CSMD1: variants seen among roughly 807,000 people sequenced by gnomAD.
The protein encoded by CSMD1 is CUB and sushi domain-containing protein 1.
CSMD1 carries 213 observed loss-of-function variants against 417.5 expected under a neutral mutation model. The observed-to-expected ratio is 0.51, with a 90% CI of 0.46 to 0.57. The LOEUF (loss-of-function observed/expected upper bound fraction) is 0.57. CSMD1 is among the 20% of genes least tolerant of loss of function. The pLI, the probability that CSMD1 is intolerant of heterozygous loss-of-function variation, is 0.00. For missense variants in CSMD1, 6,923 were observed against 4,529.7 expected, an observed-to-expected ratio of 1.53 and a Z score of -15.17; for synonymous variants, 2,862 against 1,736.8, an observed-to-expected ratio of 1.65 and a Z score of -16.11.
At chr8:3,257,595 C>T (rs1042637484) in intron 26 of CSMD1, among the ~76,000 whole-genome samples, 2 of 152,082 alleles carry the variant, frequency 1.3e-5, no homozygotes, top group Non-Finnish European at 2.9e-5. Flanking sequence ...TGGAAGTTCC[C>T]CTGAGATGAT....
intron 1 of CSMD1, among the ~76,000 whole-genome samples, chr8:4,819,739 G>A (rs1390953548): frequency 6.6e-6 from 1 of 152,068 alleles, no homozygotes; most frequent in East Asian, 1.9e-4. Flanking sequence ...AACGGAAAAT[G>A]CTCATGTAGA....
chr8:3,402,947 C>A (rs1052117382), intron 15 of CSMD1, among the ~76,000 whole-genome samples: 1 of 152,102 alleles, frequency 6.6e-6, no homozygotes, highest in East Asian at 1.9e-4. Context: ...TGCTGTCTCA[C>A]ATTGTTTCTC....
At chr8:4,748,482 C>T (rs530959689) in intron 1 of CSMD1, among the ~76,000 whole-genome samples, 4 of 152,180 alleles carry the variant, frequency 2.6e-5, no homozygotes, top group Non-Finnish European at 5.9e-5. Context: ...GTGTGGCTGG[C>T]TGTGCGTCAG....
intron 56 of CSMD1, among the ~76,000 whole-genome samples, chr8:2,974,229 C>G (rs998463011): frequency 5.3e-5 from 8 of 152,164 alleles, no homozygotes; most frequent in Admixed American, 2.6e-4. Flanking sequence ...TCCTGAGAAC[C>G]CCGGAGGAGA....
chr8:4,379,810 A>G (rs1331302715), intron 3 of CSMD1, among the ~76,000 whole-genome samples: 1 of 152,194 alleles, frequency 6.6e-6, no homozygotes, highest in African/African-American at 2.4e-5. Flanking sequence ...TGACAATTCT[A>G]TGAGGTAAGT....
chr8:4,626,740 A>G (rs1802142256), intron 2 of CSMD1, among the ~76,000 whole-genome samples: 2 of 152,096 alleles, frequency 1.3e-5, no homozygotes, highest in East Asian at 3.9e-4. Context: ...AGGATGCCCC[A>G]AAGAAAATAT....
At chr8:4,670,020 G>T (rs375331344) in intron 1 of CSMD1, among the ~76,000 whole-genome samples, 1 of 152,148 alleles carries the variant, frequency 6.6e-6, no homozygotes, top group Non-Finnish European at 1.5e-5. Context: ...CAGAACAAAT[G>T]AACTCAACCA....
At chr8:4,820,449 C>A (rs974789869) in intron 1 of CSMD1, among the ~76,000 whole-genome samples, 10 of 152,120 alleles carry the variant, frequency 6.6e-5, no homozygotes, top group Admixed American at 5.9e-4. Context: ...GCCATTTCTG[C>A]ACTGGTTTTC....
chr8:2,963,230 T>A lies in CSMD1; in HGVS notation c.9446A>T (p.Gln3149Leu). 6.2e-7 allele frequency: 1 copy of A among 1,613,900 alleles called. No individual in the cohort carries two copies. The highest frequency in any genetic ancestry group is 8.5e-7 in the Non-Finnish European group (1 of 1,179,826). The change falls in exon 60 of 70, where the codon CAG becomes CTG. Residue 3149 changes from glutamine (Q) to leucine (L), a missense_variant. By Grantham distance (113) the Gln-to-Leu change is moderately radical. Transcript: ENST00000635120. Reference sequence around the variant, plus strand: ...TCTGCTGTAGAACTTACGGAGACACTGGGGGATCTCTCCTTTCCACACCCC... The same window carrying A: ...TCTGCTGTAGAACTTACGGAGACACAGGGGGATCTCTCCTTTCCACACCCC... ...GRGVWKGEIP[Q>L]CLPVFCGDPG...
At chr8:4,464,712 A>G (rs1997140) in intron 2 of CSMD1, among the ~76,000 whole-genome samples, 5,058 of 152,078 alleles carry the variant, frequency 0.033, 130 homozygotes, top group South Asian at 0.053. Flanking sequence ...TTGTGTTTTA[A>G]TGTATCTACA....
intron 5 of CSMD1, among the ~76,000 whole-genome samples, chr8:3,947,814 G>A (rs1372529765): frequency 1.3e-5 from 2 of 152,160 alleles, no homozygotes; most frequent in African/African-American, 2.4e-5. Flanking sequence ...TGTTTCATAT[G>A]GTTCAAGTAG....
At chr8:4,622,851 TC>T (rs1404870014) in intron 2 of CSMD1, among the ~76,000 whole-genome samples, 2 of 152,242 alleles carry the variant, frequency 1.3e-5, no homozygotes, top group African/African-American at 4.8e-5. Flanking sequence ...CATGGTTGCC[TC>T]CATAAAAATT....
intron 5 of CSMD1, among the ~76,000 whole-genome samples, chr8:3,874,223 A>T (rs189850098): frequency 6.6e-6 from 1 of 152,254 alleles, no homozygotes; most frequent in Admixed American, 6.5e-5. Context: ...ACCTTCCTGC[A>T]ATTTTCTAAA....
chr8:3,910,529 G>A (rs1808397160), intron 5 of CSMD1, among the ~76,000 whole-genome samples: 1 of 152,154 alleles, frequency 6.6e-6, no homozygotes, highest in Admixed American at 6.5e-5. Context: ...AAAGAAGTCA[G>A]ATTCAAATGG....
At chr8:4,183,385 G>C (rs1798485847) in intron 3 of CSMD1, among the ~76,000 whole-genome samples, 2 of 152,116 alleles carry the variant, frequency 1.3e-5, no homozygotes, top group South Asian at 4.1e-4. Context: ...CTTTCAATAA[G>C]GAAGCTGATG....
At chr8:4,912,533 C>T (rs557214781) in intron 1 of CSMD1, among the ~76,000 whole-genome samples, 1 of 152,266 alleles carries the variant, frequency 6.6e-6, no homozygotes, top group East Asian at 1.9e-4. Flanking sequence ...ATAAGCTCGT[C>T]TCAATCCCAC....
intron 5 of CSMD1, among the ~76,000 whole-genome samples, chr8:3,846,422 A>T (rs773338516): frequency 1.3e-5 from 2 of 152,180 alleles, no homozygotes; most frequent in Non-Finnish European, 2.9e-5. Context: ...AGTTTTGATT[A>T]GCCCCAACTG....
rs80052554 is a variant in CSMD1, at chr8:4,212,276, A to G, written c.416-180177T>C. Among the ~76,000 whole-genome samples, 562 of 151,902 alleles carry G rather than the reference A, an allele frequency of 3.7e-3. 28 individuals carry two copies. The East Asian group carries it at 0.097, about 26-fold the overall frequency. On this transcript the variant is annotated intron_variant, in intron 3 of 69. Transcript: ENST00000635120. The stretch of plus-strand genomic sequence containing the variant: ...TAACTGACTGACTCAGATAAATACT[A>G]TTCTACAAACTTAGTCAAAACTAGA...
chr8:4,460,129 G>T (rs961606625), intron 2 of CSMD1, among the ~76,000 whole-genome samples: 1 of 152,098 alleles, frequency 6.6e-6, no homozygotes, highest in Non-Finnish European at 1.5e-5. Context: ...ACTACTTTCA[G>T]TTTATTTAAA....
Sources: allele counts gnomAD v4.1 joint callset (sites outside exome capture counted in the v4.1 genomes callset), GRCh38; gene constraint gnomAD v4.1.1; transcripts MANE v1.5; gene names NCBI Gene and HGNC (gene_info 2026-07-23, HGNC 2026-07-21).